The following GET1 variants were observed in gnomAD, a reference collection of about 807,000 sequenced individuals.
GET1 encodes guided entry of tail-anchored proteins factor 1, also known as congenital heart disease 5 protein.
GET1 carries 20 observed loss-of-function variants against 22.6 expected under a neutral mutation model. The observed-to-expected ratio is 0.89, with a 90% CI of 0.62 to 1.29. GET1 has a LOEUF of 1.29. Ranked by LOEUF, GET1 falls within the 50% of genes most tolerant of loss-of-function variation. The pLI is 0.00. For missense variants in GET1, 209 were observed against 219.9 expected, an observed-to-expected ratio of 0.95 and a Z score of 0.31; for synonymous variants, 92 against 83.8, an observed-to-expected ratio of 1.10 and a Z score of -0.53.
In GET1 at chr21:39,411,866, TAA is replaced by T. The variant is rs1330034114; in HGVS notation, c.*23+933_*23+934del. ...TGCTTTTGTCAACCCTGATTTCTTT[TAA>T]AAACAATTTAAATGAGCTCAGTATC... is the stretch of plus-strand genomic sequence containing the variant. On this transcript the variant is annotated intron_variant, in intron 1 of 1. Transcript: ENST00000478273. The T allele has an allele frequency of 1.8e-5, 17 of 926,700 alleles. 1 individual carries two copies. The highest frequency in any genetic ancestry group is 2.9e-5 in the Non-Finnish European group (17 of 584,944). The allele number at this position is 926,700 out of a possible 1,614,324, so 57.4% of individuals were successfully genotyped here.
At chr21:39,380,708 G>C in intron 1 of GET1, 5 of 1,361,218 alleles carry the variant, frequency 3.7e-6, no homozygotes, top group Non-Finnish European at 4.7e-6. Context: ...GAAACACCGG[G>C]CAACCCTGGA....
chr21:39,412,631 CG>C (rs547462176), intron 1 of GET1, among the ~76,000 whole-genome samples: 67 of 150,816 alleles, frequency 4.4e-4, no homozygotes, highest in Admixed American at 2.6e-3. Context: ...GGGGGTGGGG[CG>C]GGGAGAGAGA....
intron 4 of GET1, among the ~76,000 whole-genome samples, chr21:39,404,927 G>C (rs193209070): frequency 1.3e-5 from 2 of 151,350 alleles, no homozygotes; most frequent in East Asian, 3.9e-4. Context: ...GCCTCCTGGG[G>C]TTCCAGCGAT....
intron 1 of GET1, chr21:39,387,770 C>G: frequency 2.0e-6 from 2 of 985,622 alleles, no homozygotes; most frequent in South Asian, 4.7e-5. Context: ...CGCGCATGCG[C>G]AGACACCCTC....
chr21:39,393,118 G>A (rs1256963389), intron 3 of GET1, 48 bp from the exon 4 acceptor site: 8 of 1,494,860 alleles, frequency 5.4e-6, no homozygotes, highest in East Asian at 2.3e-5. Context: ...CTGTGTGGTC[G>A]GTTGTGTGAT....
At chr21:39,419,488 G>A (rs1464588002) in intron 1 of GET1, among the ~76,000 whole-genome samples, 1 of 140,086 alleles carries the variant, frequency 7.1e-6, no homozygotes, top group Non-Finnish European at 1.5e-5. Flanking sequence ...TGGTGCCACC[G>A]CATTCTAGTC....
intron 1 of GET1, chr21:39,423,354 TC>T: frequency 6.2e-7 from 1 of 1,612,942 alleles, no homozygotes; most frequent in South Asian, 1.1e-5. Context: ...CATTTTTTAG[TC>T]CTTTAATTTT....
At position 39,392,654 on chromosome 21, in the gene GET1, A is replaced by G. The variant is rs1044356313; in HGVS notation, c.337-512A>G. Among the ~76,000 whole-genome samples the G allele has an allele frequency of 2.0e-5, 3 of 152,208 alleles. No individual in the cohort carries two copies. In the East Asian group the frequency reaches 5.8e-4, roughly 29 times the overall value. ...GGAGGGAAATAAAGCATCCCCCACC[A>G]TTGAAACTTACACAGGGCTCACCTC... On this transcript the variant is annotated intron_variant, in intron 3 of 4. Transcript: ENST00000649170.
intron 1 of GET1, chr21:39,411,889 G>C (rs2040144190): frequency 2.9e-6 from 2 of 694,814 alleles, no homozygotes; most frequent in African/African-American, 3.6e-5. Flanking sequence ...AATGAGCTCA[G>C]TATCCTATGA....
intron 3 of GET1, among the ~76,000 whole-genome samples, chr21:39,392,729 C>T (rs2038386663): frequency 6.6e-6 from 1 of 152,138 alleles, no homozygotes; most frequent in African/African-American, 2.4e-5. Flanking sequence ...CTATTTTTTC[C>T]AAGGATGGCT....
At chr21:39,417,893 G>A (rs1601785021) in intron 1 of GET1, among the ~76,000 whole-genome samples, 1 of 152,210 alleles carries the variant, frequency 6.6e-6, no homozygotes, top group Middle Eastern at 3.4e-3. Context: ...AGCCTCCCAA[G>A]TAGCTGGGAC....
At chr21:39,383,183 T>C (rs1425931194) in intron 1 of GET1, among the ~76,000 whole-genome samples, 1 of 152,102 alleles carries the variant, frequency 6.6e-6, no homozygotes, top group Non-Finnish European at 1.5e-5. Context: ...CTCGATCTCC[T>C]GACCTTGTGA....
At chr21:39,387,930 C>G in intron 1 of GET1, 1 of 828,756 alleles carries the variant, frequency 1.2e-6, no homozygotes, top group Non-Finnish European at 1.5e-6. Context: ...TATAACATTT[C>G]GTCTTTATTA....
At chr21:39,403,946 G>C (rs913122947) in intron 4 of GET1, among the ~76,000 whole-genome samples, 21 of 151,714 alleles carry the variant, frequency 1.4e-4, no homozygotes, top group Middle Eastern at 3.4e-3. Flanking sequence ...TATTTTTTGA[G>C]ACAGGGTCTT....
chr21:39,386,841 C>T, intron 1 of GET1, among the ~76,000 whole-genome samples: 1 of 124,152 alleles, frequency 8.1e-6, no homozygotes, highest in East Asian at 2.7e-4. Context: ...CAAATTTATA[C>T]TTTAAAACTT....
intron 2 of GET1, 115 bp downstream of exon 2, chr21:39,390,978 A>G (rs2038260630): frequency 8.3e-7 from 1 of 1,203,930 alleles, no homozygotes; most frequent in African/African-American, 1.5e-5. Context: ...ATATTGATGG[A>G]AACTTAAGTT....
rs141321319 is a variant in GET1, at chr21:39,396,930, G to T, written c.516G>T (p.Pro172=). Residue 172 remains proline, a synonymous_variant, in exon 5 of 5, where the codon CCG becomes CCT. Coordinates refer to ENST00000649170, the MANE Select transcript of GET1 (RefSeq NM_004627.6). ...AAGTTGTCGCTATTGTGCTTCATCC[G>T]TTCAGCTGAACAGGAGGATGGATAC... ...CNKVVAIVLH[P]FS is the part of the protein sequence containing the mutation. 1,579 of 1,613,936 alleles carry T rather than the reference G, an allele frequency of 9.8e-4. 11 individuals are homozygous for T. In the East Asian group the frequency reaches 0.012, roughly 12 times the overall value.
At chr21:39,380,603 G>A (rs1288838583) in intron 1 of GET1, 117 bp downstream of exon 1, 1 of 1,494,230 alleles carries the variant, frequency 6.7e-7, no homozygotes, top group Admixed American at 2.3e-5. Context: ...TAGCGTCTTG[G>A]TTGGTCCGTA....
chr21:39,380,459 G>T lies in GET1; in HGVS notation c.75G>T (p.Arg25Ser). Residue 25 changes from arginine (R) to serine (S), a missense_variant, in exon 1 of 5, where the codon AGG (arginine) becomes AGT (serine). Coordinates refer to ENST00000649170, the MANE Select transcript of GET1 (RefSeq NM_004627.6). Reference sequence around the variant, plus strand: ...TCGTGTTTGGATGCAATGTTCTTAGGATCCTCCTCCCGTCCTTCTCATCCT... The same window carrying T: ...TCGTGTTTGGATGCAATGTTCTTAGTATCCTCCTCCCGTCCTTCTCATCCT... ...LSFVFGCNVL[R>S]ILLPSFSSFM... 1 of 1,613,230 alleles carries T rather than the reference G, an allele frequency of 6.2e-7. No homozygotes were observed. Among genetic ancestry groups the T allele is most frequent in the Non-Finnish European group, 8.5e-7 (1 of 1,179,690 alleles).
Sources: gnomAD v4.1 joint callset for allele counts (sites outside exome capture counted in the v4.1 genomes callset) on GRCh38, gnomAD v4.1.1 for gene constraint, MANE v1.5 for transcripts, NCBI Gene and HGNC (gene_info 2026-07-23, HGNC 2026-07-21) for gene names.